KIAA1328: variants seen among roughly 807,000 people sequenced by gnomAD.
KIAA1328 encodes protein hinderin.
Under a neutral mutation model 68.1 loss-of-function variants are expected in KIAA1328, and 52 were observed. The ratio of observed to expected loss-of-function variants is 0.76; its 90% CI spans 0.61 to 0.96. KIAA1328 has a LOEUF of 0.96. Among genes scored for constraint, KIAA1328 ranks in the 40% least tolerant of loss-of-function variants. The probability of loss-of-function intolerance (pLI) is 0.00; values close to 1 mark genes in which losing one functional copy is unlikely to be tolerated. For synonymous variants in KIAA1328, 232 were observed against 239.4 expected, an observed-to-expected ratio of 0.97 and a Z score of 0.28; for missense variants, 641 against 677.6, an observed-to-expected ratio of 0.95 and a Z score of 0.60.
At chr18:36,896,182 C>T (rs1045605322) in intron 5 of KIAA1328, among the ~76,000 whole-genome samples, 1 of 152,020 alleles carries the variant, frequency 6.6e-6, no homozygotes, top group Non-Finnish European at 1.5e-5. Context: ...ATATCGTTCT[C>T]TGATCATTTT....
Position 37,223,441 on chromosome 18 carries a change from C to A in KIAA1328, c.*1214C>A. On this transcript the variant is annotated 3_prime_UTR_variant, in exon 10 of 10. Coordinates refer to ENST00000280020, the MANE Select transcript of KIAA1328 (RefSeq NM_020776.3). ...CAGTGGTCCCTAGTAGCCTCTCAAGCTAATGGGGATGATGATCCTGGTTTA... is the reference window on the plus strand; with the variant it reads ...CAGTGGTCCCTAGTAGCCTCTCAAGATAATGGGGATGATGATCCTGGTTTA... 5 of 985,370 alleles carry A rather than the reference C, an allele frequency of 5.1e-6. No individual in the cohort carries two copies. The highest frequency in any genetic ancestry group is 6.0e-6 in the Non-Finnish European group (5 of 829,934). 61.0% of individuals were successfully genotyped at this position (985,370 alleles called of 1,614,324 possible).
At chr18:36,899,640 A>G (rs1186018293) in intron 5 of KIAA1328, among the ~76,000 whole-genome samples, 2 of 152,008 alleles carry the variant, frequency 1.3e-5, no homozygotes, top group African/African-American at 4.8e-5. Context: ...GATTTAGCAC[A>G]TATATTTCAC....
chr18:36,943,213 A>G (rs1399738933), intron 5 of KIAA1328, among the ~76,000 whole-genome samples: 1 of 152,224 alleles, frequency 6.6e-6, no homozygotes, highest in Non-Finnish European at 1.5e-5. Flanking sequence ...CCAACTTTGT[A>G]TGCATATTTA....
At chr18:37,068,048 C>T (rs1599143691) in intron 7 of KIAA1328, among the ~76,000 whole-genome samples, 1 of 152,092 alleles carries the variant, frequency 6.6e-6, no homozygotes, top group African/African-American at 2.4e-5. Context: ...CCTTGTCTTC[C>T]AAATTGATAG....
intron 7 of KIAA1328, among the ~76,000 whole-genome samples, chr18:37,112,967 TA>T (rs1458404736): frequency 6.7e-6 from 1 of 149,756 alleles, no homozygotes; most frequent in Non-Finnish European, 1.5e-5. Flanking sequence ...GAAAAAAGAG[TA>T]AAAAGAAATG....
intron 7 of KIAA1328, among the ~76,000 whole-genome samples, chr18:37,116,192 T>C (rs1048137459): frequency 5.3e-5 from 8 of 151,516 alleles, no homozygotes; most frequent in East Asian, 3.9e-4. Flanking sequence ...AAAAAGAGCC[T>C]GCATTGCCAA....
rs114057123 is a variant in KIAA1328 at position 36,923,537 on chromosome 18, A to G, written c.449-35771A>G. Among the ~76,000 whole-genome samples, 594 of 152,322 alleles carry G rather than the reference A, an allele frequency of 3.9e-3. 6 individuals are homozygous for G. Among genetic ancestry groups the G allele is most frequent in the African/African-American group, 0.014 (563 of 41,584 alleles). ...GTAACTTTATACATATAAGCTTTAC[A>G]ATTTACATGAAAGGGATAAATAGAT... On this transcript the variant is annotated intron_variant, in intron 5 of 9. Coordinates refer to ENST00000280020, the MANE Select transcript of KIAA1328 (RefSeq NM_020776.3).
chr18:37,179,882 G>GATGTTA (rs2059665864), intron 9 of KIAA1328, among the ~76,000 whole-genome samples: 1 of 151,938 alleles, frequency 6.6e-6, no homozygotes, highest in South Asian at 2.1e-4. Context: ...ATAAACCAAG[G>GATGTTA]CTTTAGCCCA....
intron 7 of KIAA1328, among the ~76,000 whole-genome samples, chr18:37,076,065 T>C (rs1177123361): frequency 4.6e-5 from 7 of 152,096 alleles, no homozygotes; most frequent in Non-Finnish European, 7.4e-5. Context: ...TATTCCAAAA[T>C]TGACCACATA....
chr18:37,071,618 AT>A (rs2056538823), intron 7 of KIAA1328, among the ~76,000 whole-genome samples: 1 of 152,216 alleles, frequency 6.6e-6, no homozygotes, highest in Non-Finnish European at 1.5e-5. Context: ...TGCAAAGATT[AT>A]ATATACATAC....
intron 5 of KIAA1328, among the ~76,000 whole-genome samples, chr18:36,950,882 C>T (rs2051132259): frequency 6.6e-6 from 1 of 152,154 alleles, no homozygotes; most frequent in Non-Finnish European, 1.5e-5. Flanking sequence ...GCTTCTCTCC[C>T]TGACAAGAAA....
At chr18:36,936,930 G>A (rs748664065) in intron 5 of KIAA1328, among the ~76,000 whole-genome samples, 4 of 152,094 alleles carry the variant, frequency 2.6e-5, no homozygotes, top group South Asian at 2.1e-4. Flanking sequence ...CAAAGCTGGC[G>A]GCATGATGCT....
At position 37,143,926 on chromosome 18, in the gene KIAA1328, A is replaced by T. The variant is rs564454424; in HGVS notation, c.1233-16274A>T. Among the ~76,000 whole-genome samples, 5 of 152,228 alleles carry T rather than the reference A, an allele frequency of 3.3e-5. No individual in the cohort carries two copies. In the East Asian group the frequency reaches 9.7e-4, roughly 29 times the overall value. On this transcript the variant is annotated intron_variant, in intron 7 of 9. Coordinates refer to ENST00000280020, the MANE Select transcript of KIAA1328 (RefSeq NM_020776.3). The stretch of plus-strand genomic sequence containing the variant: ...TATATTATTTTATAATAACTTAGGT[A>T]TTACACAGTAACAAAATACGTTGCA...
At chr18:37,049,688 GGAAGAA>G (rs1449879305) in intron 6 of KIAA1328, among the ~76,000 whole-genome samples, 8 of 151,992 alleles carry the variant, frequency 5.3e-5, no homozygotes, top group Admixed American at 5.2e-4. Flanking sequence ...ACCTACACAA[GGAAGAA>G]ATGAACATAC....
intron 8 of KIAA1328, among the ~76,000 whole-genome samples, chr18:37,169,698 A>G (rs2059463669): frequency 6.6e-6 from 1 of 152,244 alleles, no homozygotes; most frequent in Non-Finnish European, 1.5e-5. Context: ...AGAATTAATA[A>G]AAAAGAACAG....
At chr18:36,885,767 C>CA in intron 5 of KIAA1328, 95 bp downstream of exon 5, 1 of 776,054 alleles carries the variant, frequency 1.3e-6, no homozygotes, top group South Asian at 1.8e-5. Flanking sequence ...GCCTAGGCTG[C>CA]AGTGCAATGG....
chr18:37,226,693 T>C (rs983067233), downstream of KIAA1328, among the ~76,000 whole-genome samples: 1 of 151,354 alleles, frequency 6.6e-6, no homozygotes, highest in Non-Finnish European at 1.5e-5. Context: ...ATTCATCAGT[T>C]GATGGACATT....
intron 4 of KIAA1328, among the ~76,000 whole-genome samples, chr18:36,866,715 A>G (rs1258687261): frequency 2.0e-5 from 3 of 152,200 alleles, no homozygotes; most frequent in Non-Finnish European, 4.4e-5. Context: ...GTATTAATAG[A>G]GAATGACTAG....
At chr18:36,850,207 A>C (rs750559164) in intron 4 of KIAA1328, among the ~76,000 whole-genome samples, 12 of 151,968 alleles carry the variant, frequency 7.9e-5, no homozygotes, top group Non-Finnish European at 1.2e-4. Context: ...GAGAAATCTA[A>C]ATTATCTACC....
Sources: gnomAD v4.1 joint callset for allele counts (sites outside exome capture counted in the v4.1 genomes callset) on GRCh38, gnomAD v4.1.1 for gene constraint, MANE v1.5 for transcripts, NCBI Gene and HGNC (gene_info 2026-07-23, HGNC 2026-07-21) for gene names.